CCDC167: variants seen among roughly 807,000 people sequenced by gnomAD.
CCDC167 encodes the protein coiled-coil domain-containing protein 167.
Under a neutral mutation model 12.7 loss-of-function variants are expected in CCDC167, and 15 were observed. The observed-to-expected ratio is 1.18, with a 90% CI of 0.79 to 1.81. The LOEUF (loss-of-function observed/expected upper bound fraction) is 1.81. Among genes scored for constraint, CCDC167 ranks in the 40% most tolerant of loss-of-function variants. The pLI is 0.00. For synonymous variants in CCDC167, 52 were observed against 49.0 expected (o/e 1.06, Z -0.26); for missense variants, 121 against 120.1 (o/e 1.01, Z -0.03).
chr6:37,487,347 C>A (rs894993224), intron 1 of CCDC167, among the ~76,000 whole-genome samples: 3 of 152,200 alleles, frequency 2.0e-5, no homozygotes. Context: ...TTTTTAGCCA[C>A]AATGAGTGGA....
chr6:37,489,229 C>G (rs1340683719), intron 1 of CCDC167, among the ~76,000 whole-genome samples: 3 of 138,202 alleles, frequency 2.2e-5, no homozygotes, highest in Non-Finnish European at 3.1e-5. Flanking sequence ...GAGCGAGACT[C>G]TATCTCAAAA....
At chr6:37,496,364 C>T (rs1023388718) in intron 1 of CCDC167, among the ~76,000 whole-genome samples, 1 of 152,004 alleles carries the variant, frequency 6.6e-6, no homozygotes, top group Non-Finnish European at 1.5e-5. Flanking sequence ...ACCCGGGAGG[C>T]TGGAGGCTGC....
At chr6:37,489,355 A>C (rs968415639) in intron 1 of CCDC167, among the ~76,000 whole-genome samples, 10 of 152,184 alleles carry the variant, frequency 6.6e-5, no homozygotes, top group African/African-American at 2.4e-4. Context: ...GGCCATTCCC[A>C]GTCCATGAAG....
At chr6:37,492,070 A>G (rs1056850615) in intron 1 of CCDC167, among the ~76,000 whole-genome samples, 8 of 152,180 alleles carry the variant, frequency 5.3e-5, no homozygotes, top group African/African-American at 1.7e-4. Flanking sequence ...CCTGCAAGGA[A>G]GGGCCCATCT....
rs1445539379 is a variant in CCDC167 at position 37,483,026 on chromosome 6, C to T, written c.*160G>A. Reference sequence around the variant, plus strand: ...TGGAGACCCGGAACCCCCCAGCAGGCCAGGGAGGCAAGGCCTGGGCCGCCA... The same window carrying T: ...TGGAGACCCGGAACCCCCCAGCAGGTCAGGGAGGCAAGGCCTGGGCCGCCA... On this transcript the variant is annotated 3_prime_UTR_variant, in exon 4 of 4. Coordinates refer to ENST00000373408, the MANE Select transcript of CCDC167 (RefSeq NM_138493.3). 2 of 704,282 alleles carry T rather than the reference C, an allele frequency of 2.8e-6. No homozygotes were observed. Among genetic ancestry groups the T allele is most frequent in the Admixed American group, 4.1e-5 (2 of 49,314 alleles). The allele number at this position is 704,282 out of a possible 1,614,324, so 43.6% of individuals were successfully genotyped here. A position where few individuals can be genotyped will look rare whatever the true frequency, so the allele number is the denominator to read the frequency against.
rs368185026 is a variant in CCDC167, at chr6:37,483,177, G to T, written c.*9C>A. The T allele has an allele frequency of 2.4e-5, 38 of 1,605,042 alleles. No homozygotes were observed. Among genetic ancestry groups the T allele is most frequent in the Non-Finnish European group, 3.1e-5 (36 of 1,171,862 alleles). The stretch of plus-strand genomic sequence containing the variant: ...GGAAGCCTGTGCTGGTTGTGGGGAA[G>T]TGCCAGGCTCACATGGTCCAGTAGG... On this transcript the variant is annotated 3_prime_UTR_variant, in exon 4 of 4. Transcript: ENST00000373408.
At chr6:37,494,069 T>C (rs1762066012) in intron 1 of CCDC167, among the ~76,000 whole-genome samples, 1 of 147,416 alleles carries the variant, frequency 6.8e-6, no homozygotes, top group African/African-American at 2.5e-5. Context: ...TTTTTTTTTT[T>C]TTTTTTTTTT....
chr6:37,490,031 G>C (rs1761996628), intron 1 of CCDC167, among the ~76,000 whole-genome samples: 1 of 152,214 alleles, frequency 6.6e-6, no homozygotes, highest in African/African-American at 2.4e-5. Flanking sequence ...TTTACATGGG[G>C]AAAAAGCACT....
chr6:37,483,676 C>A (rs187199175), intron 3 of CCDC167, among the ~76,000 whole-genome samples: 1 of 152,180 alleles, frequency 6.6e-6, no homozygotes, highest in Non-Finnish European at 1.5e-5. Flanking sequence ...GCATCTCATC[C>A]GCCAACCAGA....
chr6:37,495,691 C>A (rs1188795192), intron 1 of CCDC167, among the ~76,000 whole-genome samples: 1 of 152,202 alleles, frequency 6.6e-6, no homozygotes, highest in Non-Finnish European at 1.5e-5. Flanking sequence ...CTGGCCCAAG[C>A]CAGCCCTAAG....
At position 37,486,631 on chromosome 6, in the gene CCDC167, C is replaced by T. The variant is rs1761946452; in HGVS notation, c.43-1437G>A. 2.6e-5 allele frequency among the ~76,000 whole-genome samples: 4 copies of T among 152,276 alleles called. No homozygotes were observed. In the South Asian group the frequency reaches 6.2e-4, roughly 24 times the overall value. ...ATAAGCAGGGCCCTGTGGGAGAGAG[C>T]GACCACAGAGCCTTGAGTTAATTGC... On this transcript the variant is annotated intron_variant, in intron 1 of 3. Transcript: ENST00000373408.
Position 37,497,755 on chromosome 6 carries a change from C to CG in CCDC167, c.42+2066dup, listed in dbSNP as rs553357914. On this transcript the variant is annotated intron_variant, in intron 1 of 3. Coordinates refer to ENST00000373408, the MANE Select transcript of CCDC167 (RefSeq NM_138493.3). Reference sequence around the variant, plus strand: ...ATCCTGGCTACTAGAGAGGCTGTGTCGGGGGAAGGTGGGGGTGAACACTTG... The same window carrying CG: ...ATCCTGGCTACTAGAGAGGCTGTGTCGGGGGGAAGGTGGGGGTGAACACTTG... Among the ~76,000 whole-genome samples the CG allele has an allele frequency of 3.3e-3, 494 of 151,904 alleles. 6 individuals carry two copies. The highest frequency in any genetic ancestry group is 0.011 in the African/African-American group (437 of 41,414).
rs770434475 is a variant in CCDC167, at chr6:37,484,866, T to C, written c.138-4A>G. The C allele has an allele frequency of 1.2e-6, 2 of 1,614,214 alleles. No individual in the cohort carries two copies. Among genetic ancestry groups the C allele is most frequent in the Non-Finnish European group, 1.7e-6 (2 of 1,180,018 alleles). ...TTTCTCCTTCTCCAGGGACCTCCTGTGAGGGGAAAGGAGCTTCATGGACCA... is the reference window on the plus strand; with the variant it reads ...TTTCTCCTTCTCCAGGGACCTCCTGCGAGGGGAAAGGAGCTTCATGGACCA... On this transcript the variant is annotated splice_region_variant and splice_polypyrimidine_tract_variant and intron_variant, in intron 2 of 3. Transcript: ENST00000373408.
At chr6:37,486,192 A>G (rs1761940825) in intron 1 of CCDC167, among the ~76,000 whole-genome samples, 1 of 152,146 alleles carries the variant, frequency 6.6e-6, no homozygotes, top group African/African-American at 2.4e-5. Context: ...CATTCTCACC[A>G]CTTCCCTAGG....
At chr6:37,492,964 C>A (rs535788873) in intron 1 of CCDC167, among the ~76,000 whole-genome samples, 1 of 152,310 alleles carries the variant, frequency 6.6e-6, no homozygotes, top group African/African-American at 2.4e-5. Context: ...AGGCGGCTCA[C>A]AGAGCTCTGT....
chr6:37,489,253 C>CAAACA (rs767072016), intron 1 of CCDC167, among the ~76,000 whole-genome samples: 4 of 149,226 alleles, frequency 2.7e-5, no homozygotes, highest in South Asian at 2.1e-4. Flanking sequence ...AACAAACAAA[C>CAAACA]AAAAAAAAAC....
Position 37,484,872 on chromosome 6 carries a change from G to A in CCDC167, c.138-10C>T, listed in dbSNP as rs1266365163. On this transcript the variant is annotated splice_polypyrimidine_tract_variant and intron_variant, in intron 2 of 3. Coordinates refer to ENST00000373408, the MANE Select transcript of CCDC167 (RefSeq NM_138493.3). ...CTTCTCCAGGGACCTCCTGTGAGGG[G>A]AAAGGAGCTTCATGGACCAAACCCT... is the stretch of plus-strand genomic sequence containing the variant. The A allele has an allele frequency of 7.4e-6, 12 of 1,614,228 alleles. No homozygotes were observed. Among genetic ancestry groups the A allele is most frequent in the Admixed American group, 3.3e-5 (2 of 60,036 alleles).
intron 1 of CCDC167, 123 bp downstream of exon 1, chr6:37,499,699 A>G (rs1762140953): frequency 1.8e-6 from 2 of 1,124,780 alleles, no homozygotes; most frequent in Non-Finnish European, 2.7e-6. Flanking sequence ...CCTCTCCCCA[A>G]ACCGCGTCGC....
intron 1 of CCDC167, among the ~76,000 whole-genome samples, chr6:37,495,020 G>A (rs1435003931): frequency 1.3e-5 from 2 of 151,686 alleles, no homozygotes; most frequent in Non-Finnish European, 2.9e-5. Flanking sequence ...GGCTGGTCTC[G>A]AACTCCTGAC....
Sources: gnomAD v4.1 joint callset for allele counts (sites outside exome capture counted in the v4.1 genomes callset) on GRCh38, gnomAD v4.1.1 for gene constraint, MANE v1.5 for transcripts, NCBI Gene and HGNC (gene_info 2026-07-23, HGNC 2026-07-21) for gene names.